NELFCD: variants seen among roughly 807,000 people sequenced by gnomAD.
NELFCD encodes the protein negative elongation factor complex member C/D, also known as negative elongation factor C/D.
NELFCD carries 48 observed loss-of-function variants against 72.9 expected under a neutral mutation model. That is an observed-to-expected ratio of 0.66 (90% CI 0.52 to 0.84). The LOEUF (loss-of-function observed/expected upper bound fraction) is 0.84, where lower values mean the gene tolerates loss of function less well. Ranked by LOEUF, NELFCD falls within the 40% of genes least tolerant of loss-of-function variation. NELFCD has a pLI of 0.00. For synonymous variants in NELFCD, 297 were observed against 280.6 expected, an observed-to-expected ratio of 1.06 and a Z score of -0.59; for missense variants, 538 against 723.8, an observed-to-expected ratio of 0.74 and a Z score of 2.94.
intron 7 of NELFCD, 103 bp downstream of exon 7, chr20:58,990,091 C>G (rs1030988849): frequency 1.4e-5 from 21 of 1,477,064 alleles, no homozygotes; most frequent in Non-Finnish European, 1.9e-5. Flanking sequence ...TCCTTCTGTT[C>G]AACGTAGAGG....
chr20:58,983,161 G>A (rs1037658099), intron 1 of NELFCD, among the ~76,000 whole-genome samples: 48 of 146,824 alleles, frequency 3.3e-4, no homozygotes, highest in Non-Finnish European at 6.6e-4. Context: ...TTTTGAGACA[G>A]AGTCTCGCTT....
intron 5 of NELFCD, 165 bp downstream of exon 5, chr20:58,989,186 C>G (rs879102433): frequency 1.3e-5 from 8 of 636,830 alleles, no homozygotes; most frequent in Middle Eastern, 2.8e-4. Context: ...AAATTTGTAT[C>G]TGTTTTTGGG....
intron 4 of NELFCD, among the ~76,000 whole-genome samples, chr20:58,988,389 T>C (rs2091788148): frequency 6.6e-6 from 1 of 152,238 alleles, no homozygotes; most frequent in African/African-American, 2.4e-5. Context: ...ACAGGCCTGC[T>C]TTTGAGGCCC....
intron 5 of NELFCD, 80 bp from the exon 6 acceptor site, chr20:58,989,408 C>T (rs1485521683): frequency 2.2e-5 from 34 of 1,542,750 alleles, no homozygotes; most frequent in Non-Finnish European, 2.9e-5. Flanking sequence ...TCCACCTCAC[C>T]ATGAACACTG....
chr20:58,993,987 T>G lies in NELFCD; in HGVS notation c.1582-123T>G. The G allele has an allele frequency of 1.6e-6, 2 of 1,214,746 alleles. No individual in the cohort carries two copies. The highest frequency in any genetic ancestry group is 2.4e-6 in the Non-Finnish European group (2 of 851,000). 75.2% of individuals were successfully genotyped at this position (1,214,746 alleles called of 1,614,324 possible). On this transcript the variant is annotated intron_variant, in intron 13 of 14. Transcript: ENST00000652272. This position sits in a 1 kb window ranked among gnomAD's most constrained non-coding sequence, Gnocchi z 5.0. ...TGGGCATCTGAATGTTGGAGATGGG[T>G]GGTGTCACCGGCCGGTGGGGGTGGG...
intron 1 of NELFCD, among the ~76,000 whole-genome samples, chr20:58,981,867 A>G (rs2091736043): frequency 6.6e-6 from 1 of 152,204 alleles, no homozygotes; most frequent in Non-Finnish European, 1.5e-5. Flanking sequence ...ACTCTTCAGC[A>G]CCTTGGGCTG....
At chr20:58,992,463 C>T (rs563997073) in intron 10 of NELFCD, among the ~76,000 whole-genome samples, 1 of 152,334 alleles carries the variant, frequency 6.6e-6, no homozygotes, top group East Asian at 1.9e-4. Context: ...AACTTCAACC[C>T]AGTCCACCAA....
intron 9 of NELFCD, 181 bp from the exon 10 acceptor site, chr20:58,991,700 A>G: frequency 5.3e-6 from 4 of 754,310 alleles, no homozygotes; most frequent in Non-Finnish European, 8.4e-6. Context: ...ATGGACAAAC[A>G]CTAGTCTCAT....
intron 1 of NELFCD, 141 bp downstream of exon 1, chr20:58,981,510 C>T (rs1488963426): frequency 4.8e-6 from 1 of 207,864 alleles, no homozygotes; most frequent in Non-Finnish European, 8.4e-6. Context: ...GCGCGGTCAC[C>T]GTGTGGTTCA....
intron 10 of NELFCD, 83 bp from the exon 11 acceptor site, chr20:58,992,915 T>A: frequency 4.8e-6 from 5 of 1,049,396 alleles, no homozygotes; most frequent in Non-Finnish European, 7.4e-6. Context: ...TTTGAGTTTG[T>A]TTTTAACTTT....
rs113237995 is a variant in NELFCD, at chr20:58,983,123, C to T, written c.60+1754C>T. ...GGTGTTTGGGGCATCTAGTATATCA[C>T]CTTGAGCCTTTTTTTCTTTTTTTTT... On this transcript the variant is annotated intron_variant, in intron 1 of 14. Coordinates refer to ENST00000652272, the MANE Select transcript of NELFCD (RefSeq NM_198976.4). 3.3e-5 allele frequency among the ~76,000 whole-genome samples: 5 copies of T among 150,178 alleles called. 1 individual carries two copies. The highest frequency in any genetic ancestry group is 1.2e-4 in the African/African-American group (5 of 40,876).
rs368381606 is a variant in NELFCD at position 58,993,046 on chromosome 20, A to G, written c.1278A>G (p.Val426=). 4 of 1,614,156 alleles carry G rather than the reference A, an allele frequency of 2.5e-6. No individual in the cohort carries two copies. The highest frequency in any genetic ancestry group is 2.5e-6 in the Non-Finnish European group (3 of 1,180,028). ...MGVLKWVDWT[V]SEPRYFQLQT... ...TGCTGAAGTGGGTGGATTGGACTGT[A>G]TCAGAACCAAGGTACTTTCAGCTGC... is the stretch of plus-strand genomic sequence containing the variant. The change falls in exon 11 of 15, where the codon GTA becomes GTG. Residue 426 remains valine (V), a synonymous_variant. Coordinates refer to ENST00000652272, the MANE Select transcript of NELFCD (RefSeq NM_198976.4). This position sits in a 1 kb window ranked among gnomAD's most constrained non-coding sequence, Gnocchi z 5.0.
chr20:58,985,984 TA>T lies in NELFCD; in HGVS notation c.61-107del, dbSNP rs776144274. On this transcript the variant is annotated intron_variant, in intron 1 of 14. Transcript: ENST00000652272. ...AAATTGTCATGAAAGTCAAATGAAATAATGTGTGTAGAATACTTTCAAAATG... is the reference window on the plus strand; with the variant it reads ...AAATTGTCATGAAAGTCAAATGAAATATGTGTGTAGAATACTTTCAAAATG... The T allele has an allele frequency of 1.4e-3, 1,050 of 764,260 alleles. 1 individual carries two copies. Among genetic ancestry groups the T allele is most frequent in the Non-Finnish European group, 2.2e-3 (932 of 431,304 alleles). 47.3% of individuals were successfully genotyped at this position (764,260 alleles called of 1,614,324 possible).
At chr20:58,982,861 T>C (rs928535539) in intron 1 of NELFCD, among the ~76,000 whole-genome samples, 2 of 152,192 alleles carry the variant, frequency 1.3e-5, no homozygotes, top group East Asian at 3.8e-4. Context: ...TTGGGCCATG[T>C]GTGTCATGCG....
chr20:58,993,428 C>T lies in NELFCD; in HGVS notation c.1345-21C>T, dbSNP rs776939709. ...AGCGTGACCACACTGCTCAGCGAAG[C>T]TCCCTCTGGCCTGTTTGTAGATCAG... On this transcript the variant is annotated intron_variant, in intron 11 of 14. Coordinates refer to ENST00000652272, the MANE Select transcript of NELFCD (RefSeq NM_198976.4). This position sits in a 1 kb window ranked among gnomAD's most constrained non-coding sequence, Gnocchi z 5.0. The T allele has an allele frequency of 3.1e-6, 5 of 1,610,808 alleles. No homozygotes were observed. In the African/African-American group the frequency reaches 6.7e-5, roughly 22 times the overall value.
chr20:58,987,846 C>T, intron 4 of NELFCD, 29 bp downstream of exon 4: 1 of 1,569,026 alleles, frequency 6.4e-7, no homozygotes, highest in Non-Finnish European at 8.8e-7. Context: ...TTGCCTAGTA[C>T]CAGGCCCTAG....
At chr20:58,983,435 C>CTT (rs1280267450) in intron 1 of NELFCD, among the ~76,000 whole-genome samples, 7 of 128,916 alleles carry the variant, frequency 5.4e-5, no homozygotes, top group Non-Finnish European at 4.9e-5. Context: ...CGCACCCGGC[C>CTT]TTTTTTTTTT....
chr20:58,984,880 C>T (rs1032787802), intron 1 of NELFCD, among the ~76,000 whole-genome samples: 5 of 152,158 alleles, frequency 3.3e-5, no homozygotes, highest in Non-Finnish European at 5.9e-5. Flanking sequence ...GAATGAAGCT[C>T]GGGGTGAAGT....
chr20:58,992,866 A>AAT, intron 10 of NELFCD, 132 bp from the exon 11 acceptor site: 2 of 567,500 alleles, frequency 3.5e-6, no homozygotes, highest in African/African-American at 1.9e-5. Context: ...AAAAAAAAAA[A>AAT]GGGTTGGGGG....
Sources: allele counts gnomAD v4.1 joint callset (sites outside exome capture counted in the v4.1 genomes callset), GRCh38; gene constraint gnomAD v4.1.1; non-coding constraint Gnocchi (gnomAD v3.1); transcripts MANE v1.5; gene names NCBI Gene and HGNC (gene_info 2026-07-23, HGNC 2026-07-21).